JAG2: variants seen among roughly 807,000 people sequenced by gnomAD.
JAG2 encodes the protein protein jagged-2.
JAG2 carries 46 observed loss-of-function variants against 141.7 expected under a neutral mutation model. The ratio of observed to expected loss-of-function variants is 0.32; its 90% CI spans 0.26 to 0.42. JAG2 has a LOEUF of 0.42. JAG2 is among the 10% of genes least tolerant of loss of function. JAG2 has a pLI of 1.00. For missense variants in JAG2, 1,500 were observed against 1,817.5 expected, an observed-to-expected ratio of 0.83 and a Z score of 3.18; for synonymous variants, 862 against 763.5, an observed-to-expected ratio of 1.13 and a Z score of -2.13.
intron 17 of JAG2, 94 bp from the exon 18 acceptor site, chr14:105,147,982 A>AC: frequency 8.4e-7 from 1 of 1,184,516 alleles, no homozygotes; most frequent in Non-Finnish European, 1.2e-6. Flanking sequence ...GGGCAGACAG[A>AC]CCCGGGGGCA....
In JAG2 at chr14:105,143,461, G is replaced by A. The variant is rs369997740; in HGVS notation, c.3241+21C>T. ...AGTTGCCTGCCTGGTGCCTTCCCAG[G>A]GGCCCACCTCCCGCGCTTACCTGTG... On this transcript the variant is annotated intron_variant, in intron 25 of 25. Transcript: ENST00000331782. 2.5e-5 allele frequency: 38 copies of A among 1,542,764 alleles called. No homozygotes were observed. In the Middle Eastern group the frequency reaches 5.4e-4, roughly 22 times the overall value.
chr14:105,142,363 C>T lies in JAG2; in HGVS notation c.*332G>A. On this transcript the variant is annotated 3_prime_UTR_variant, in exon 26 of 26. Coordinates refer to ENST00000331782, the MANE Select transcript of JAG2 (RefSeq NM_002226.5). ...CCGAGTGAGGAATAAAAGGAAGATT[C>T]TGTAAACAGTGCACAACCTCTGGTA... is the stretch of plus-strand genomic sequence containing the variant. The T allele has an allele frequency of 3.6e-6, 1 of 275,834 alleles. No individual in the cohort carries two copies. The highest frequency in any genetic ancestry group is 4.1e-4 in the Middle Eastern group (1 of 2,412). 17.1% of individuals were successfully genotyped at this position (275,834 alleles called of 1,614,324 possible).
intron 22 of JAG2, 83 bp from the exon 23 acceptor site, chr14:105,146,056 G>A (rs753371184): frequency 2.5e-5 from 38 of 1,540,202 alleles, no homozygotes; most frequent in Non-Finnish European, 3.3e-5. Flanking sequence ...CCACAGGCAG[G>A]CACGGGCCCC....
At chr14:105,146,521 A>T (rs1888229349) in intron 21 of JAG2, 21 bp from the exon 22 acceptor site, 5 of 1,610,466 alleles carry the variant, frequency 3.1e-6, no homozygotes, top group Non-Finnish European at 4.2e-6. Context: ...AAGGGGCTCG[A>T]GGGTCAGCAG....
At chr14:105,151,146 G>T (rs1888412597) in intron 9 of JAG2, 42 bp from the exon 10 acceptor site, 6 of 1,559,474 alleles carry the variant, frequency 3.8e-6, no homozygotes, top group Non-Finnish European at 4.4e-6. Context: ...CTCGGGCCCT[G>T]CCTGCCCCCT....
At position 105,143,107 on chromosome 14, in the gene JAG2, C is replaced by T. The variant is rs764089423; in HGVS notation, c.3305G>A (p.Cys1102Tyr). The change falls in exon 26 of 26, where the codon TGC (cysteine) becomes TAC (tyrosine). Residue 1102 changes from cysteine to tyrosine, a missense_variant. By Grantham distance (194) the Cys-to-Tyr change is radical. Coordinates refer to ENST00000331782, the MANE Select transcript of JAG2 (RefSeq NM_002226.5). ...CCTGCGCTTGCGTGTCCACCACACG[C>T]ACAGGACCACGCACGCCAGCCACAG... The part of the protein sequence containing the change: ...SVLWLACVVL[C>Y]VWWTRKRRKE... 1.3e-6 allele frequency: 2 copies of T among 1,599,304 alleles called. No individual in the cohort carries two copies. Among genetic ancestry groups the T allele is most frequent in the South Asian group, 2.2e-5 (2 of 91,052 alleles).
chr14:105,153,460 C>G (rs1365664532), intron 5 of JAG2, among the ~76,000 whole-genome samples: 2 of 152,360 alleles, frequency 1.3e-5, no homozygotes, highest in African/African-American at 4.8e-5. Flanking sequence ...CACAGCCGGG[C>G]TCAGAGCCCA....
chr14:105,159,258 A>G (rs1458386758), intron 2 of JAG2, among the ~76,000 whole-genome samples: 1 of 152,006 alleles, frequency 6.6e-6, no homozygotes, highest in Non-Finnish European at 1.5e-5. Flanking sequence ...TGCCTGCAGA[A>G]CACCCGGGGA....
chr14:105,155,663 C>G, intron 4 of JAG2, 41 bp from the exon 5 acceptor site: 1 of 1,612,430 alleles, frequency 6.2e-7, no homozygotes, highest in South Asian at 1.1e-5. Context: ...TGCAGCCAGC[C>G]TGGCCGCAAG....
rs1490306719 is a variant in JAG2, at chr14:105,144,960, G to A, written c.3054C>T (p.Ser1018=). The A allele has an allele frequency of 3.7e-6, 6 of 1,604,074 alleles. No homozygotes were observed. Among genetic ancestry groups the A allele is most frequent in the South Asian group, 1.1e-5 (1 of 90,300 alleles). Residue 1018 remains serine (S), a synonymous_variant, in exon 24 of 26, where the codon TCC becomes TCT. Transcript: ENST00000331782. Reference sequence around the variant, plus strand: ...CCACCTCCACAGCACTGGCCCCCGAGGACGCCCGGTCGCAAAGCAACACCA... The same window carrying A: ...CCACCTCCACAGCACTGGCCCCCGAAGACGCCCGGTCGCAAAGCAACACCA... ...RLLVLLCDRA[S]SGASAVEVAV...
chr14:105,147,977 G>A lies in JAG2; in HGVS notation c.2249-89C>T, dbSNP rs903470024. On this transcript the variant is annotated intron_variant, in intron 17 of 25. Transcript: ENST00000331782. ...CCGCGCCCCCAACCCAGACAGGGCA[G>A]ACAGACCCGGGGGCAGGGGGCAGGG... 4.9e-6 allele frequency: 6 copies of A among 1,217,022 alleles called. No individual in the cohort carries two copies. The African/African-American group carries it at 7.5e-5, about 15-fold the overall frequency. The allele number at this position is 1,217,022 out of a possible 1,614,324, so 75.4% of individuals were successfully genotyped here. A position where few individuals can be genotyped will look rare whatever the true frequency, so the allele number is the denominator to read the frequency against.
Position 105,162,768 on chromosome 14 carries a change from GTGTACC to G in JAG2, c.417+4983_417+4988del, listed in dbSNP as rs1182407216. On this transcript the variant is annotated intron_variant, in intron 2 of 25. Transcript: ENST00000331782. ...ACAGCCTTGTGCACCCCATGGCCCA[GTGTACC>G]CACAGTCCAGGGCACCCCAAAGCTC... 9.1e-3 allele frequency among the ~76,000 whole-genome samples: 1,021 copies of G among 112,716 alleles called. 2 individuals carry two copies. The highest frequency in any genetic ancestry group is 0.03 in the African/African-American group (958 of 31,600). 73.9% of individuals were successfully genotyped at this position (112,716 alleles called of 152,430 possible).
rs779249026 is a variant in JAG2 at position 105,151,964 on chromosome 14, C to T, written c.1013G>A (p.Gly338Asp). Residue 338 changes from glycine (G) to aspartate (D), a missense_variant, in exon 7 of 26, where the codon GGC (glycine) becomes GAC (aspartate). By Grantham distance (94) the Gly-to-Asp change is moderately conservative. Transcript: ENST00000331782. ...CTTCTCACAGTTCCTGCCCGAGTAG[C>T]CGTCAGGGCAGGTGCAGCGGTACTG... ...PDQYRCTCPD[G>D]YSGRNCEKAE... 2.3e-5 allele frequency: 37 copies of T among 1,613,292 alleles called. No homozygotes were observed. The East Asian group carries it at 8.0e-4, about 35-fold the overall frequency.
At chr14:105,147,712 G>A (rs2140973836) in intron 18 of JAG2, 60 bp downstream of exon 18, 1 of 1,273,918 alleles carries the variant, frequency 7.8e-7, no homozygotes, top group Non-Finnish European at 1.1e-6. Flanking sequence ...GCGAGTCGGG[G>A]GCAGGGATGT....
At position 105,151,400 on chromosome 14, in the gene JAG2, C is replaced by T. The variant is rs1165640147; in HGVS notation, c.1154-4G>A. ...TTCGAAGCACACTCATCGATGTCTG[C>T]AGAGGGTGGAGAAAGGTGGGGCCCT... is the stretch of plus-strand genomic sequence containing the variant. On this transcript the variant is annotated splice_polypyrimidine_tract_variant and splice_region_variant and intron_variant, in intron 8 of 25. Coordinates refer to ENST00000331782, the MANE Select transcript of JAG2 (RefSeq NM_002226.5). 1 of 1,609,366 alleles carries T rather than the reference C, an allele frequency of 6.2e-7. No homozygotes were observed. The highest frequency in any genetic ancestry group is 8.5e-7 in the Non-Finnish European group (1 of 1,179,432).
chr14:105,153,728 G>C (rs1888504407), intron 5 of JAG2, among the ~76,000 whole-genome samples: 1 of 152,194 alleles, frequency 6.6e-6, no homozygotes, highest in Non-Finnish European at 1.5e-5. Context: ...CCACCCACCA[G>C]GCCCCCCAGA....
chr14:105,145,928 C>T lies in JAG2; in HGVS notation c.2755G>A (p.Ala919Thr). 1 of 1,578,860 alleles carries T rather than the reference C, an allele frequency of 6.3e-7. No homozygotes were observed. Among genetic ancestry groups the T allele is most frequent in the African/African-American group, 1.3e-5 (1 of 74,270 alleles). The change falls in exon 23 of 26, where the codon GCC becomes ACC. Residue 919 changes from alanine (A) to threonine (T), a missense_variant. Ala to Thr is a moderately conservative substitution (Grantham distance 58, BLOSUM62 0). Around this residue, in one of 3 missense-constraint regions of JAG2, gnomAD observed 875 missense variants for 1,202.2 expected, o/e 0.73. Transcript: ENST00000331782. ...CCCAGTGGGCACTGGGCGCTCAGGG[C>T]CTCGGGCTGGCCGGCCAGCAGACAA... Reference protein sequence around the residue: ...KPCLLAGQPEALSAQCPLGQR... With the variant: ...KPCLLAGQPETLSAQCPLGQR...
rs1431648133 is a variant in JAG2, at chr14:105,167,486, G to C, written c.417+271C>G. ...AGACAGACACGCGCAGGGCGACGCA[G>C]GCACACGCCGCACACCGCCGCGCAC... On this transcript the variant is annotated intron_variant, in intron 2 of 25. Coordinates refer to ENST00000331782, the MANE Select transcript of JAG2 (RefSeq NM_002226.5). This position sits in a 1 kb window ranked among gnomAD's most constrained non-coding sequence, Gnocchi z 4.8. Among the ~76,000 whole-genome samples, 2 of 150,712 alleles carry C rather than the reference G, an allele frequency of 1.3e-5. No homozygotes were observed. Among genetic ancestry groups the C allele is most frequent in the Non-Finnish European group, 3.0e-5 (2 of 67,596 alleles).
chr14:105,143,021 G>A lies in JAG2; in HGVS notation c.3391C>T (p.Leu1131Phe), dbSNP rs759100589. 1.2e-6 allele frequency: 2 copies of A among 1,606,210 alleles called. No homozygotes were observed. Among genetic ancestry groups the A allele is most frequent in the African/African-American group, 2.7e-5 (2 of 74,918 alleles). Residue 1131 changes from leucine to phenylalanine, a missense_variant, in exon 26 of 26, where the codon CTC becomes TTC. Transcript: ENST00000331782. ...EESANNQWAP[L>F]NPIRNPIERP... ...TCAATGGGGTTGCGGATGGGGTTGA[G>A]CGGGGCCCACTGGTTGTTGGCGCTC...
Sources: gnomAD v4.1 joint callset for allele counts (sites outside exome capture counted in the v4.1 genomes callset) on GRCh38, gnomAD v4.1.1 for gene constraint, gnomAD v4.1.1 regional missense constraint, Gnocchi (gnomAD v3.1) non-coding constraint, MANE v1.5 for transcripts, NCBI Gene and HGNC (gene_info 2026-07-23, HGNC 2026-07-21) for gene names.